ZBTB1: variants seen among roughly 807,000 people sequenced by gnomAD.
ZBTB1 encodes zinc finger and BTB domain containing 1, also known as zinc finger and BTB domain-containing protein 1.
In ZBTB1, 13 loss-of-function variants were observed where a neutral mutation model predicts 51.6. The observed-to-expected ratio is 0.25, with a 90% CI of 0.16 to 0.40. The LOEUF is 0.40. Among genes scored for constraint, ZBTB1 ranks in the 10% least tolerant of loss-of-function variants. The pLI is 1.00. For synonymous variants in ZBTB1, 240 were observed against 282.2 expected (o/e 0.85, Z 1.50); for missense variants, 567 against 856.5 (o/e 0.66, Z 4.22).
At position 64,524,751 on chromosome 14, in the gene ZBTB1, A is replaced by G; in HGVS notation, c.*1105A>G. The G allele has an allele frequency of 1.0e-6, 1 of 982,332 alleles. No individual in the cohort carries two copies. Among genetic ancestry groups the G allele is most frequent in the Non-Finnish European group, 1.2e-6 (1 of 827,082 alleles). 60.9% of individuals were successfully genotyped at this position (982,332 alleles called of 1,614,324 possible). ...AAATTGCAGTTTATCGCCATATTTTATTATCATTTTTTTCTGTAAAAGACT... is the reference window on the plus strand; with the variant it reads ...AAATTGCAGTTTATCGCCATATTTTGTTATCATTTTTTTCTGTAAAAGACT... On this transcript the variant is annotated 3_prime_UTR_variant, in exon 2 of 2. Coordinates refer to ENST00000683701, the MANE Select transcript of ZBTB1 (RefSeq NM_001123329.2).
intron 1 of ZBTB1, among the ~76,000 whole-genome samples, chr14:64,512,803 G>C: frequency 6.6e-6 from 1 of 152,108 alleles, no homozygotes; most frequent in East Asian, 1.9e-4. Context: ...GAAGTTTCAA[G>C]GAGAAACCTA....
chr14:64,513,119 A>T (rs76667338), intron 1 of ZBTB1, among the ~76,000 whole-genome samples: 2,643 of 152,268 alleles, frequency 0.017, 40 homozygotes, highest in Middle Eastern at 0.034. Flanking sequence ...TACACATAAA[A>T]TGATACCTAT....
intron 1 of ZBTB1, among the ~76,000 whole-genome samples, chr14:64,508,790 CAAAA>C (rs1297923919): frequency 1.3e-5 from 2 of 151,926 alleles, no homozygotes; most frequent in Non-Finnish European, 2.9e-5. Context: ...TTGAAATAAA[CAAAA>C]AATTGATAAG....
At chr14:64,512,121 G>T (rs1353207604) in intron 1 of ZBTB1, among the ~76,000 whole-genome samples, 2 of 152,114 alleles carry the variant, frequency 1.3e-5, no homozygotes, top group African/African-American at 4.8e-5. Context: ...ATTGTACTGT[G>T]CTTGGATTGA....
At chr14:64,532,011 C>A in exon 3 of ZBTB1, 2 of 1,318,744 alleles carry the variant, frequency 1.5e-6, no homozygotes, top group Non-Finnish European at 2.1e-6. Flanking sequence ...GTCTTCCTGA[C>A]AAACTTCCAT....
At position 64,522,905 on chromosome 14, in the gene ZBTB1, T is replaced by A; in HGVS notation, c.1401T>A (p.Ala467=). The A allele has an allele frequency of 6.2e-7, 1 of 1,614,178 alleles. No individual in the cohort carries two copies. The highest frequency in any genetic ancestry group is 8.5e-7 in the Non-Finnish European group (1 of 1,180,022). ...LVKGRQLQEH[A]QRCGEPQDLT... is the part of the protein sequence containing the mutation. ...AGGGTAGGCAGCTTCAGGAACATGCTCAACGATGTGGCGAGCCCCAAGATC... is the reference window on the plus strand; with the variant it reads ...AGGGTAGGCAGCTTCAGGAACATGCACAACGATGTGGCGAGCCCCAAGATC... The change falls in exon 2 of 2, where the codon GCT becomes GCA. Residue 467 remains alanine, a synonymous_variant. Coordinates refer to ENST00000683701, the MANE Select transcript of ZBTB1 (RefSeq NM_001123329.2).
chr14:64,520,087 C>T lies in ZBTB1; in HGVS notation c.-18-1400C>T, dbSNP rs537567949. On this transcript the variant is annotated intron_variant, in intron 1 of 1. Transcript: ENST00000683701. Reference sequence around the variant, plus strand: ...TGCGATCTCGGCTCACTGCAAGCTCCGCCTCCCAGGTTCATGCCAGTCTCC... The same window carrying T: ...TGCGATCTCGGCTCACTGCAAGCTCTGCCTCCCAGGTTCATGCCAGTCTCC... Among the ~76,000 whole-genome samples, 34 of 152,052 alleles carry T rather than the reference C, an allele frequency of 2.2e-4. 1 individual carries two copies. The East Asian group carries it at 5.8e-3, about 26-fold the overall frequency.
At chr14:64,515,898 C>T (rs1324685446) in intron 1 of ZBTB1, among the ~76,000 whole-genome samples, 3 of 152,128 alleles carry the variant, frequency 2.0e-5, no homozygotes, top group Admixed American at 1.3e-4. Context: ...CCTCCCCTGC[C>T]GCATACTCCT....
At chr14:64,516,737 C>G (rs1001549181) in intron 1 of ZBTB1, 1 of 152,138 alleles carries the variant, frequency 6.6e-6, no homozygotes, top group Admixed American at 6.5e-5. Flanking sequence ...TTATACAGTG[C>G]CTGGTATACC....
chr14:64,522,262 T>C lies in ZBTB1; in HGVS notation c.758T>C (p.Ile253Thr), dbSNP rs1376388330. The part of the protein sequence containing the change: ...LYQNTRSYHR[I>T]VDIRDGKDSN... ...CAAAACACAAGATCTTACCATAGAATAGTAGATATTAGAGATGGAAAAGAC... is the reference window on the plus strand; with the variant it reads ...CAAAACACAAGATCTTACCATAGAACAGTAGATATTAGAGATGGAAAAGAC... The change falls in exon 2 of 2, where the codon ATA (isoleucine) becomes ACA (threonine). Residue 253 changes from isoleucine to threonine, a missense_variant. Coordinates refer to ENST00000683701, the MANE Select transcript of ZBTB1 (RefSeq NM_001123329.2). The C allele has an allele frequency of 6.2e-7, 1 of 1,614,174 alleles. No individual in the cohort carries two copies. Among genetic ancestry groups the C allele is most frequent in the Non-Finnish European group, 8.5e-7 (1 of 1,180,032 alleles).
Position 64,521,491 on chromosome 14 carries a change from CTAAT to C in ZBTB1, c.-10_-7del, listed in dbSNP as rs1180482500. The C allele has an allele frequency of 3.2e-6, 5 of 1,577,670 alleles. No homozygotes were observed. In the African/African-American group the frequency reaches 5.5e-5, roughly 17 times the overall value. ...TAATATTTTTGTTTTACATAGGTCT[CTAAT>C]TAACAGAAGATGGCAAAGCCCAGCC... On this transcript the variant is annotated 5_prime_UTR_variant, in exon 2 of 2. Coordinates refer to ENST00000683701, the MANE Select transcript of ZBTB1 (RefSeq NM_001123329.2).
chr14:64,531,560 TC>T (rs2140194259), intron 2 of ZBTB1, among the ~76,000 whole-genome samples: 1 of 152,354 alleles, frequency 6.6e-6, no homozygotes, highest in African/African-American at 2.4e-5. Context: ...CTTAACTGCT[TC>T]CTTCCTCCCT....
In ZBTB1 at chr14:64,523,069, A is replaced by C; in HGVS notation, c.1565A>C (p.Gln522Pro). The change falls in exon 2 of 2, where the codon CAA becomes CCA. Residue 522 changes from glutamine to proline, a missense_variant. By Grantham distance (76) the Gln-to-Pro change is moderately conservative. Coordinates refer to ENST00000683701, the MANE Select transcript of ZBTB1 (RefSeq NM_001123329.2). This position sits in a 1 kb window ranked among gnomAD's most constrained non-coding sequence, Gnocchi z 4.5. ...RDNHYQINSI[Q>P]KKQLFKHSAC... is the part of the protein sequence containing the mutation. ...AATCATTACCAGATAAACAGTATCC[A>C]AAAAAAGCAGTTATTTAAACATTCT... 6.2e-7 allele frequency: 1 copy of C among 1,614,170 alleles called. No individual in the cohort carries two copies. Among genetic ancestry groups the C allele is most frequent in the Non-Finnish European group, 8.5e-7 (1 of 1,180,008 alleles).
At chr14:64,516,260 A>C (rs780978182) in intron 1 of ZBTB1, among the ~76,000 whole-genome samples, 10 of 152,194 alleles carry the variant, frequency 6.6e-5, no homozygotes, top group Non-Finnish European at 1.2e-4. Flanking sequence ...TGTCTCAAAA[A>C]AATAATAATT....
At position 64,522,528 on chromosome 14, in the gene ZBTB1, TTTAACA is replaced by T. The variant is rs2079870498; in HGVS notation, c.1028_1033del (p.Asn343_Ile344del). The T allele has an allele frequency of 6.2e-7, 1 of 1,613,998 alleles. No individual in the cohort carries two copies. The highest frequency in any genetic ancestry group is 8.5e-7 in the Non-Finnish European group (1 of 1,179,970). ...TATTCCTACAGATGAACTGAAAGAC[TTTAACA>T]TTATTAAAGTTACTGATAAAGACTG... On this transcript the variant is annotated inframe_deletion, in exon 2 of 2. Transcript: ENST00000683701.
At chr14:64,512,546 A>G (rs771631555) in intron 1 of ZBTB1, among the ~76,000 whole-genome samples, 3 of 152,214 alleles carry the variant, frequency 2.0e-5, no homozygotes, top group Non-Finnish European at 4.4e-5. Flanking sequence ...AAACTAAGCC[A>G]CCATTTATAT....
intron 1 of ZBTB1, among the ~76,000 whole-genome samples, chr14:64,511,597 T>C (rs2079724873): frequency 6.6e-6 from 1 of 152,194 alleles, no homozygotes; most frequent in Non-Finnish European, 1.5e-5. Flanking sequence ...GCTCCCTCTT[T>C]AGGATGAATG....
rs1265901556 is a variant in ZBTB1 at position 64,524,838 on chromosome 14, T to C, written c.*1192T>C. 1 of 984,460 alleles carries C rather than the reference T, an allele frequency of 1.0e-6. No homozygotes were observed. The highest frequency in any genetic ancestry group is 1.2e-6 in the Non-Finnish European group (1 of 829,162). The allele number at this position is 984,460 out of a possible 1,614,324, so 61.0% of individuals were successfully genotyped here. On this transcript the variant is annotated 3_prime_UTR_variant, in exon 2 of 2. Transcript: ENST00000683701. ...ATCAATGGAAACAGTTTATCATTTTTTCAGTTAAAGTAGTAGTATTGTTAG... is the reference window on the plus strand; with the variant it reads ...ATCAATGGAAACAGTTTATCATTTTCTCAGTTAAAGTAGTAGTATTGTTAG...
intron 1 of ZBTB1, among the ~76,000 whole-genome samples, chr14:64,521,241 A>C (rs1218023108): frequency 1.3e-5 from 2 of 152,196 alleles, no homozygotes; most frequent in Non-Finnish European, 2.9e-5. Flanking sequence ...GTTGTAATGA[A>C]ACTAAAACTG....
Sources: gnomAD v4.1 joint callset for allele counts (sites outside exome capture counted in the v4.1 genomes callset) on GRCh38, gnomAD v4.1.1 for gene constraint, Gnocchi (gnomAD v3.1) non-coding constraint, MANE v1.5 for transcripts, NCBI Gene and HGNC (gene_info 2026-07-23, HGNC 2026-07-21) for gene names.